The following NOP58 variants were observed in gnomAD, a reference collection of about 807,000 sequenced individuals.
NOP58 encodes nucleolar protein 58.
NOP58 carries 44 observed loss-of-function variants against 71.2 expected under a neutral mutation model. That is an observed-to-expected ratio of 0.62 (90% CI 0.49 to 0.79). The LOEUF is 0.79. NOP58 is among the 30% of genes least tolerant of loss of function. The pLI, the probability that NOP58 is intolerant of heterozygous loss-of-function variation, is 0.00. For missense variants in NOP58, 538 were observed against 620.2 expected (o/e 0.87, Z 1.41); for synonymous variants, 228 against 200.3 (o/e 1.14, Z -1.17).
In NOP58 at chr2:202,300,378, ATT is replaced by A. The variant is rs372180155; in HGVS notation, c.1402+20_1402+21del. 4 of 1,477,874 alleles carry A rather than the reference ATT, an allele frequency of 2.7e-6. No individual in the cohort carries two copies. Among genetic ancestry groups the A allele is most frequent in the Non-Finnish European group, 3.6e-6 (4 of 1,096,768 alleles). 91.5% of individuals were successfully genotyped at this position (1,477,874 alleles called of 1,614,324 possible). A position where few individuals can be genotyped will look rare whatever the true frequency, so the allele number is the denominator to read the frequency against. ...AGATTAAAGTTAAAGGTTAGTTTGA[ATT>A]TTTTTTTTAACACAACTTATACTCA... On this transcript the variant is annotated intron_variant, in intron 13 of 14. Transcript: ENST00000264279.
rs574759111 is a variant in NOP58 at position 202,283,120 on chromosome 2, G to A, written c.297+648G>A. Reference sequence around the variant, plus strand: ...CCCAGCTAATTGGGAGTGCAGTGGCGCAGTCTCACAGCTCACTGCAGACTT... The same window carrying A: ...CCCAGCTAATTGGGAGTGCAGTGGCACAGTCTCACAGCTCACTGCAGACTT... On this transcript the variant is annotated intron_variant, in intron 4 of 14. Coordinates refer to ENST00000264279, the MANE Select transcript of NOP58 (RefSeq NM_015934.5). Among the ~76,000 whole-genome samples the A allele has an allele frequency of 7.9e-5, 12 of 152,256 alleles. No individual in the cohort carries two copies. In the South Asian group the frequency reaches 8.3e-4, roughly 11 times the overall value.
At chr2:202,271,575 A>T (rs1029344861) in intron 1 of NOP58, among the ~76,000 whole-genome samples, 15 of 146,516 alleles carry the variant, frequency 1.0e-4, no homozygotes, top group Non-Finnish European at 2.0e-4. Flanking sequence ...TCTCAAAAAT[A>T]AAAAAAAAAA....
intron 13 of NOP58, among the ~76,000 whole-genome samples, 169 bp downstream of exon 13, chr2:202,300,536 A>G (rs998959063): frequency 1.3e-5 from 2 of 152,252 alleles, no homozygotes; most frequent in East Asian, 1.9e-4. Flanking sequence ...ATATTGTTAA[A>G]TTTATCAGAC....
chr2:202,275,392 C>CT (rs1688575080), intron 2 of NOP58: 1 of 480,840 alleles, frequency 2.1e-6, no homozygotes, highest in Non-Finnish European at 3.8e-6. Flanking sequence ...AGGCAGTAGT[C>CT]TCCCCCTTAC....
intron 12 of NOP58, chr2:202,300,016 C>T (rs915359353): frequency 2.3e-6 from 1 of 436,388 alleles, no homozygotes; most frequent in African/African-American, 2.1e-5. Context: ...TCATTTAGCT[C>T]ACCACATCTC....
chr2:202,284,490 T>TA lies in NOP58; in HGVS notation c.434+10dup, dbSNP rs1256730989. 1.9e-5 allele frequency: 31 copies of TA among 1,609,312 alleles called. No homozygotes were observed. Among genetic ancestry groups the TA allele is most frequent in the Non-Finnish European group, 2.5e-5 (30 of 1,178,764 alleles). ...CTTGGATTGGCTCACAGGTGAGAAT[T>TA]ACTGGAAAATAAAGTCAACTTACTT... On this transcript the variant is annotated intron_variant, in intron 5 of 14. Coordinates refer to ENST00000264279, the MANE Select transcript of NOP58 (RefSeq NM_015934.5).
In NOP58 at chr2:202,300,280, T is replaced by C. The variant is rs1225378533; in HGVS notation, c.1315T>C (p.Cys439Arg). The change falls in exon 13 of 15, where the codon TGT (cysteine) becomes CGT (arginine). Residue 439 changes from cysteine (C) to arginine (R), a missense_variant. Cys to Arg is a radical substitution (Grantham distance 180). Coordinates refer to ENST00000264279, the MANE Select transcript of NOP58 (RefSeq NM_015934.5). ...DPSGDSTLPT[C>R]SKKRKIEQVD... ...TTCTGGTGACTCCACACTTCCAACC[T>C]GTTCTAAAAAACGCAAAATAGAACA... 2 of 1,601,766 alleles carry C rather than the reference T, an allele frequency of 1.2e-6. No homozygotes were observed. Among genetic ancestry groups the C allele is most frequent in the East Asian group, 4.5e-5 (2 of 44,482 alleles).
At chr2:202,297,534 A>G in intron 11 of NOP58, 21 bp downstream of exon 11, 2 of 1,599,808 alleles carry the variant, frequency 1.3e-6, no homozygotes, top group South Asian at 1.1e-5. Flanking sequence ...CATCATGCCT[A>G]TTCCAGAAGT....
intron 4 of NOP58, among the ~76,000 whole-genome samples, chr2:202,283,729 G>A (rs1405219827): frequency 5.3e-5 from 8 of 151,814 alleles, no homozygotes; most frequent in East Asian, 1.9e-4. Context: ...GTGAGCCACC[G>A]CGCCTGGCAT....
At chr2:202,299,633 GTACTTTT>G (rs1689056497) in intron 12 of NOP58, among the ~76,000 whole-genome samples, 1 of 150,508 alleles carries the variant, frequency 6.6e-6, no homozygotes, top group African/African-American at 2.4e-5. Flanking sequence ...TGTGCAATTA[GTACTTTT>G]TACTTTAAAC....
intron 3 of NOP58, among the ~76,000 whole-genome samples, chr2:202,281,769 T>C (rs919207666): frequency 1.3e-5 from 2 of 152,082 alleles, no homozygotes; most frequent in African/African-American, 4.8e-5. Context: ...GGAATATAGG[T>C]CTAAGGAAGG....
intron 12 of NOP58, among the ~76,000 whole-genome samples, chr2:202,298,996 T>C (rs1689043287): frequency 6.9e-6 from 1 of 145,232 alleles, no homozygotes; most frequent in Non-Finnish European, 1.5e-5. Context: ...AGTCTGTCTC[T>C]GTTGCCAGGC....
chr2:202,293,048 C>T, intron 9 of NOP58, 145 bp downstream of exon 9: 1 of 856,902 alleles, frequency 1.2e-6, no homozygotes, highest in Non-Finnish European at 2.0e-6. Flanking sequence ...CACTAAGGGC[C>T]AAGTGTTCAA....
rs1305780156 is a variant in NOP58, at chr2:202,293,038, C to G, written c.907+135C>G. On this transcript the variant is annotated intron_variant, in intron 9 of 14. Transcript: ENST00000264279. ...CAAAAGTAGATGATATGTGGGAGAT[C>G]ACTAAGGGCCAAGTGTTCAATGATG... The G allele has an allele frequency of 7.8e-6, 7 of 892,406 alleles. No homozygotes were observed. In the African/African-American group the frequency reaches 1.1e-4, roughly 15 times the overall value. 55.3% of individuals were successfully genotyped at this position (892,406 alleles called of 1,614,324 possible).
At chr2:202,302,848 C>T in intron 13 of NOP58, 73 bp from the exon 14 acceptor site, 1 of 1,508,966 alleles carries the variant, frequency 6.6e-7, no homozygotes, top group South Asian at 1.4e-5. Context: ...AAAACTAGGA[C>T]TCAAACGTTT....
intron 2 of NOP58, among the ~76,000 whole-genome samples, chr2:202,277,156 G>A (rs371351061): frequency 7.9e-5 from 12 of 152,110 alleles, no homozygotes; most frequent in African/African-American, 2.4e-4. Flanking sequence ...GTGTGGTGGC[G>A]GGTGCCTGTA....
intron 7 of NOP58, 37 bp from the exon 8 acceptor site, chr2:202,291,088 G>T: frequency 6.6e-7 from 1 of 1,515,976 alleles, no homozygotes; most frequent in Non-Finnish European, 8.8e-7. Flanking sequence ...ATTTGTTGAA[G>T]AGTGATTCTC....
rs1285018551 is a variant in NOP58 at position 202,300,428 on chromosome 2, G to C, written c.1402+61G>C. On this transcript the variant is annotated intron_variant, in intron 13 of 14. Transcript: ENST00000264279. ...TCACTTCTTTAGAACTGTGGATTTT[G>C]TGAGTCTTAAAAGTACATGCCATCC... The C allele has an allele frequency of 8.5e-6, 12 of 1,414,492 alleles. No homozygotes were observed. The South Asian group carries it at 1.5e-4, about 18-fold the overall frequency. The allele number at this position is 1,414,492 out of a possible 1,614,324, so 87.6% of individuals were successfully genotyped here. A position where few individuals can be genotyped will look rare whatever the true frequency, so the allele number is the denominator to read the frequency against.
At chr2:202,290,273 C>A (rs1347137048) in intron 6 of NOP58, 50 bp from the exon 7 acceptor site, 5 of 1,474,368 alleles carry the variant, frequency 3.4e-6, no homozygotes, top group Non-Finnish European at 3.7e-6. Context: ...GTATGTTTTA[C>A]CACAATAAAT....
Sources: allele counts gnomAD v4.1 joint callset (sites outside exome capture counted in the v4.1 genomes callset), GRCh38; gene constraint gnomAD v4.1.1; transcripts MANE v1.5; gene names NCBI Gene and HGNC (gene_info 2026-07-23, HGNC 2026-07-21).